PALS1: variants seen among roughly 807,000 people sequenced by gnomAD.
PALS1 encodes the protein protein associated with LIN7 1, MAGUK p55 family member, also known as protein PALS1.
PALS1 carries 31 observed loss-of-function variants against 78.9 expected under a neutral mutation model. The ratio of observed to expected loss-of-function variants is 0.39; its 90% confidence interval spans 0.30 to 0.53. The LOEUF (loss-of-function observed/expected upper bound fraction) is 0.53. Among genes scored for constraint, PALS1 ranks in the 20% least tolerant of loss-of-function variants. PALS1 has a pLI of 0.67. For synonymous variants in PALS1, 276 were observed against 270.9 expected (o/e 1.02, Z -0.18); for missense variants, 704 against 826.5 (o/e 0.85, Z 1.82).
At chr14:67,256,374 T>C (rs1488754422) in intron 1 of PALS1, among the ~76,000 whole-genome samples, 1 of 152,086 alleles carries the variant, frequency 6.6e-6, no homozygotes, top group Non-Finnish European at 1.5e-5. Context: ...CAATAAAAAG[T>C]AGAAAGATCA....
intron 4 of PALS1, among the ~76,000 whole-genome samples, chr14:67,295,661 C>T (rs922358282): frequency 5.3e-5 from 8 of 152,126 alleles, no homozygotes; most frequent in Admixed American, 3.9e-4. Context: ...TAATGAGATA[C>T]AGTTACACTG....
chr14:67,302,410 G>A lies in PALS1; in HGVS notation c.802G>A (p.Gly268Ser). The change falls in exon 7 of 15, where the codon GGT (glycine) becomes AGT (serine). Residue 268 changes from glycine (G) to serine (S), a missense_variant and splice_region_variant. Transcript: ENST00000261681. ...AAATTATACATATATATATTTTTAGGGTGCTACAGTTCGTAATGAAATGGA... is the reference window on the plus strand; with the variant it reads ...AAATTATACATATATATATTTTTAGAGTGCTACAGTTCGTAATGAAATGGA... ...RIEKARDIPLGATVRNEMDSV... is the reference protein window; with the variant it reads ...RIEKARDIPLSATVRNEMDSV... 1 of 1,546,516 alleles carries A rather than the reference G, an allele frequency of 6.5e-7. No homozygotes were observed. The highest frequency in any genetic ancestry group is 8.8e-7 in the Non-Finnish European group (1 of 1,142,660).
At chr14:67,257,687 C>T (rs1348701209) in intron 1 of PALS1, among the ~76,000 whole-genome samples, 1 of 151,614 alleles carries the variant, frequency 6.6e-6, no homozygotes, top group South Asian at 2.1e-4. Context: ...AACATACAGC[C>T]TATTTTTATA....
intron 14 of PALS1, among the ~76,000 whole-genome samples, chr14:67,330,285 C>T (rs1016128622): frequency 6.6e-6 from 1 of 151,420 alleles, no homozygotes; most frequent in Non-Finnish European, 1.5e-5. Context: ...CTATAATTTG[C>T]ACTTGCTTTA....
In PALS1 at chr14:67,301,426, G is replaced by T. The variant is rs778056199; in HGVS notation, c.614G>T (p.Gly205Val). The change falls in exon 5 of 15, where the codon GGA (glycine) becomes GTA (valine). Residue 205 changes from glycine to valine, a missense_variant. Coordinates refer to ENST00000261681, the MANE Select transcript of PALS1 (RefSeq NM_022474.4). ...TVLKPVHHKE[G>V]QELTALLNTP... ...TTGAAGCCAGTTCATCATAAGGAAG[G>T]ACAAGAACTAACTGCTTTGCTGAAT... 3.1e-6 allele frequency: 5 copies of T among 1,610,442 alleles called. No homozygotes were observed. The African/African-American group carries it at 6.7e-5, about 22-fold the overall frequency.
At chr14:67,283,910 T>G (rs1219381904) in intron 3 of PALS1, among the ~76,000 whole-genome samples, 1 of 152,236 alleles carries the variant, frequency 6.6e-6, no homozygotes, top group Non-Finnish European at 1.5e-5. Context: ...TTCGTTGTCT[T>G]ACGGCACATT....
chr14:67,286,008 G>C (rs930942881), intron 3 of PALS1, among the ~76,000 whole-genome samples: 1 of 152,236 alleles, frequency 6.6e-6, no homozygotes, highest in Non-Finnish European at 1.5e-5. Context: ...AAATATTAGA[G>C]AAGATGGGAG....
chr14:67,317,705 GT>G (rs1351178938), intron 11 of PALS1, among the ~76,000 whole-genome samples: 2 of 152,066 alleles, frequency 1.3e-5, no homozygotes, highest in East Asian at 1.9e-4. Flanking sequence ...GTTTCCTGTA[GT>G]TTTTTTCTAC....
At chr14:67,309,348 C>G (rs2085054412) in intron 8 of PALS1, among the ~76,000 whole-genome samples, 1 of 152,120 alleles carries the variant, frequency 6.6e-6, no homozygotes, top group African/African-American at 2.4e-5. Context: ...AATACCCAGA[C>G]TTTAACTCAT....
chr14:67,332,820 T>G lies in PALS1; in HGVS notation c.1892T>G (p.Met631Arg). ...LREIIEKTRE[M>R]EQNNGHYFDT... ...GAAATCATTGAGAAGACAAGAGAGATGGAGCAGAACAATGGCCACTACTTT... is the reference window on the plus strand; with the variant it reads ...GAAATCATTGAGAAGACAAGAGAGAGGGAGCAGAACAATGGCCACTACTTT... Residue 631 changes from methionine to arginine, a missense_variant, in exon 15 of 15, where the codon ATG becomes AGG. Met to Arg is a moderately conservative substitution (Grantham distance 91). Transcript: ENST00000261681. 1 of 1,613,498 alleles carries G rather than the reference T, an allele frequency of 6.2e-7. No homozygotes were observed. The highest frequency in any genetic ancestry group is 8.5e-7 in the Non-Finnish European group (1 of 1,179,590).
chr14:67,323,198 T>G (rs1410736843), intron 13 of PALS1, among the ~76,000 whole-genome samples: 1 of 149,108 alleles, frequency 6.7e-6, no homozygotes, highest in Non-Finnish European at 1.5e-5. Flanking sequence ...ATGTATTATA[T>G]GTGTATATAT....
At chr14:67,254,722 C>A (rs1304298004) in intron 1 of PALS1, among the ~76,000 whole-genome samples, 2 of 152,196 alleles carry the variant, frequency 1.3e-5, no homozygotes, top group Non-Finnish European at 2.9e-5. Context: ...ACTATCCCCC[C>A]ACCTGCCTTT....
At chr14:67,263,082 C>T (rs2084264004) in intron 1 of PALS1, among the ~76,000 whole-genome samples, 1 of 152,256 alleles carries the variant, frequency 6.6e-6, no homozygotes, top group South Asian at 2.1e-4. Context: ...AGCTTCTAAC[C>T]AGTTTCTGCC....
intron 3 of PALS1, among the ~76,000 whole-genome samples, chr14:67,281,027 T>A (rs1376038445): frequency 1.3e-5 from 2 of 151,696 alleles, no homozygotes; most frequent in Non-Finnish European, 2.9e-5. Context: ...GCCTCCCGAG[T>A]GGCTGGGATT....
chr14:67,289,282 C>T (rs2084735711), intron 3 of PALS1, among the ~76,000 whole-genome samples: 1 of 151,908 alleles, frequency 6.6e-6, no homozygotes, highest in Non-Finnish European at 1.5e-5. Context: ...GCTTTTAAGT[C>T]TTATAAGTCT....
intron 8 of PALS1, among the ~76,000 whole-genome samples, chr14:67,311,310 CAAAA>C (rs1164347381): frequency 1.1e-4 from 7 of 63,964 alleles, no homozygotes; most frequent in Non-Finnish European, 1.5e-4. Context: ...GACTCCGTCT[CAAAA>C]AAAAAAAAAA....
intron 1 of PALS1, among the ~76,000 whole-genome samples, chr14:67,246,724 C>T (rs1360988219): frequency 2.8e-5 from 4 of 144,180 alleles, no homozygotes; most frequent in South Asian, 2.2e-4. Flanking sequence ...GATATCAGCT[C>T]ACTGCAACTT....
chr14:67,277,930 G>T (rs1315698820), intron 2 of PALS1, among the ~76,000 whole-genome samples: 1 of 152,014 alleles, frequency 6.6e-6, no homozygotes, highest in African/African-American at 2.4e-5. Flanking sequence ...CCTGTTTACT[G>T]TGATCTTTTT....
At chr14:67,245,234 G>A (rs548035964) in intron 1 of PALS1, among the ~76,000 whole-genome samples, 175 of 152,330 alleles carry the variant, frequency 1.1e-3, no homozygotes, top group African/African-American at 4.2e-3. Context: ...TTGTCAGGCT[G>A]GGTTTGAAGT....
Sources: allele counts gnomAD v4.1 joint callset (sites outside exome capture counted in the v4.1 genomes callset), GRCh38; gene constraint gnomAD v4.1.1; transcripts MANE v1.5; gene names NCBI Gene and HGNC (gene_info 2026-07-23, HGNC 2026-07-21).